Variants in MUC17 observed in about 807,000 individuals in gnomAD.
MUC17 encodes the protein mucin-17.
Under a neutral mutation model 170.3 loss-of-function variants are expected in MUC17, and 190 were observed. The observed-to-expected ratio is 1.12, with a 90% CI of 0.99 to 1.26. The LOEUF is 1.26. Among genes scored for constraint, MUC17 ranks in the 50% most tolerant of loss-of-function variants. The probability of loss-of-function intolerance (pLI) is 0.00; values close to 1 mark genes in which losing one functional copy is unlikely to be tolerated. For missense variants in MUC17, 6,415 were observed against 5,530.0 expected, an observed-to-expected ratio of 1.16 and a Z score of -5.08; for synonymous variants, 2,325 against 2,002.5, an observed-to-expected ratio of 1.16 and a Z score of -4.30.
rs148535690 is a variant in MUC17, at chr7:101,037,910, G to T, written c.6494G>T (p.Ser2165Ile). The change falls in exon 3 of 13, where the codon AGT becomes ATT. Residue 2165 changes from serine (S) to isoleucine (I), a missense_variant. Physicochemically the swap from Ser to Ile is moderately radical, Grantham distance 142 (BLOSUM62 -2). Coordinates refer to ENST00000306151, the MANE Select transcript of MUC17 (RefSeq NM_001040105.2). ...TYSDRRTPLT[S>I]MPVSTTVVAS... ...AGTGACAGAAGAACTCCTTTAACAA[G>T]TATGCCTGTCAGCACCACAGTGGTG... is the stretch of plus-strand genomic sequence containing the variant. The T allele has an allele frequency of 1.9e-6, 3 of 1,609,866 alleles. No homozygotes were observed. The highest frequency in any genetic ancestry group is 2.5e-6 in the Non-Finnish European group (3 of 1,177,476).
chr7:101,020,620 A>T lies in MUC17; in HGVS notation c.82+403A>T, dbSNP rs114059026. Reference sequence around the variant, plus strand: ...CCTTACCCAGTGAATGTTCCCGCCAAGTCCCTGTCACCTCCCACACCAGCA... The same window carrying T: ...CCTTACCCAGTGAATGTTCCCGCCATGTCCCTGTCACCTCCCACACCAGCA... On this transcript the variant is annotated intron_variant, in intron 1 of 12. Transcript: ENST00000306151. Among the ~76,000 whole-genome samples the T allele has an allele frequency of 5.1e-3, 783 of 152,212 alleles. 5 individuals are homozygous for T. The highest frequency in any genetic ancestry group is 0.018 in the African/African-American group (732 of 41,528).
Position 101,031,196 on chromosome 7 carries a change from G to A in MUC17, c.159G>A (p.Gln53=), listed in dbSNP as rs1209334275. The change falls in exon 2 of 13, where the codon CAG becomes CAA. Residue 53 remains glutamine, a synonymous_variant. Transcript: ENST00000306151. The part of the protein sequence containing the change: ...SQGDVLNRQC[Q]QLSQHVRTGS... ...GGGACGTCTTGAACCGTCAGTGCCA[G>A]CAGCTGTCTCAGCACGTTAGGACAG... is the stretch of plus-strand genomic sequence containing the variant. 3 of 1,613,744 alleles carry A rather than the reference G, an allele frequency of 1.9e-6. No homozygotes were observed. Among genetic ancestry groups the A allele is most frequent in the Non-Finnish European group, 2.5e-6 (3 of 1,179,828 alleles).
At position 101,040,720 on chromosome 7, in the gene MUC17, G is replaced by A. The variant is rs574297451; in HGVS notation, c.9304G>A (p.Glu3102Lys). 1 of 1,613,292 alleles carries A rather than the reference G, an allele frequency of 6.2e-7. No individual in the cohort carries two copies. The highest frequency in any genetic ancestry group is 2.2e-5 in the East Asian group (1 of 44,788). Residue 3102 changes from glutamate to lysine, a missense_variant, in exon 3 of 13, where the codon GAA (glutamate) becomes AAA (lysine). Coordinates refer to ENST00000306151, the MANE Select transcript of MUC17 (RefSeq NM_001040105.2). ...CAGCATGCCAATCTCAACTTATAGT[G>A]AAGGAAGCACTCCATTAACAGGTGT... Reference protein sequence around the residue: ...GTSMPISTYSEGSTPLTGVPV... With the variant: ...GTSMPISTYSKGSTPLTGVPV...
chr7:101,042,688 A>G lies in MUC17; in HGVS notation c.11272A>G (p.Ile3758Val), dbSNP rs372752978. The G allele has an allele frequency of 4.3e-6, 7 of 1,613,732 alleles. No homozygotes were observed. In the Middle Eastern group the frequency reaches 4.9e-4, roughly 114 times the overall value. Reference sequence around the variant, plus strand: ...GGAAATAAGCACCCTTGGGACCACTATTCTTGTCAGTACCACACCTGTTAC... The same window carrying G: ...GGAAATAAGCACCCTTGGGACCACTGTTCTTGTCAGTACCACACCTGTTAC... Reference protein sequence around the residue: ...PMEISTLGTTILVSTTPVTRF... With the variant: ...PMEISTLGTTVLVSTTPVTRF... The change falls in exon 3 of 13, where the codon ATT becomes GTT. Residue 3758 changes from isoleucine (I) to valine (V), a missense_variant. By Grantham distance (29) the Ile-to-Val change is conservative. Transcript: ENST00000306151.
chr7:101,043,110 T>A lies in MUC17; in HGVS notation c.11694T>A (p.Pro3898=), dbSNP rs1356457832. The A allele has an allele frequency of 2.5e-6, 4 of 1,614,124 alleles. No homozygotes were observed. The highest frequency in any genetic ancestry group is 3.4e-6 in the Non-Finnish European group (4 of 1,180,014). The change falls in exon 3 of 13, where the codon CCT becomes CCA. Residue 3898 remains proline (P), a synonymous_variant. Transcript: ENST00000306151. The part of the protein sequence containing the change: ...SFPGASIAST[P]PLDTSTTFTP... ...CTGGGGCCAGCATAGCTTCGACACC[T>A]CCTCTTGACACAAGCACAACTTTTA...
At position 101,040,364 on chromosome 7, in the gene MUC17, G is replaced by C; in HGVS notation, c.8948G>C (p.Gly2983Ala). ...ACCAGCATGCCAATCTCAACTCCTG[G>C]CGAAAGAAGAACTCCATTAACAAGT... ...EGTSMPISTP[G>A]ERRTPLTSMS... Residue 2983 changes from glycine to alanine, a missense_variant, in exon 3 of 13, where the codon GGC (glycine) becomes GCC (alanine). By Grantham distance (60) the Gly-to-Ala change is moderately conservative (BLOSUM62 0). Transcript: ENST00000306151. The C allele has an allele frequency of 6.2e-7, 1 of 1,611,874 alleles. No homozygotes were observed. The highest frequency in any genetic ancestry group is 8.5e-7 in the Non-Finnish European group (1 of 1,179,362).
rs146245479 is a variant in MUC17, at chr7:101,039,299, C to T, written c.7883C>T (p.Pro2628Leu). The T allele has an allele frequency of 6.7e-5, 108 of 1,613,148 alleles. 1 individual carries two copies. The highest frequency in any genetic ancestry group is 6.6e-4 in the Middle Eastern group (4 of 6,062). ...GATACCAGCATGCCAATCTCAACTC[C>T]TAGTGAAGTAAGTACTTCATTAACA... ...AKDTSMPISTPSEVSTSLTSI... is the reference protein window; with the variant it reads ...AKDTSMPISTLSEVSTSLTSI... The change falls in exon 3 of 13, where the codon CCT becomes CTT. Residue 2628 changes from proline to leucine, a missense_variant. Physicochemically the swap from Pro to Leu is moderately conservative, Grantham distance 98 (BLOSUM62 -3). Coordinates refer to ENST00000306151, the MANE Select transcript of MUC17 (RefSeq NM_001040105.2).
At position 101,038,225 on chromosome 7, in the gene MUC17, C is replaced by G. The variant is rs747481631; in HGVS notation, c.6809C>G (p.Pro2270Arg). Reference protein sequence around the residue: ...SPTTAEGTSIPTSTLSEGTTP... With the variant: ...SPTTAEGTSIRTSTLSEGTTP... ...ACAACTGCTGAAGGTACCAGCATAC[C>G]AACTTCAACTCTTAGTGAAGGAACG... is the stretch of plus-strand genomic sequence containing the variant. Residue 2270 changes from proline to arginine, a missense_variant, in exon 3 of 13, where the codon CCA becomes CGA. Transcript: ENST00000306151. 1.9e-6 allele frequency: 3 copies of G among 1,613,224 alleles called. No homozygotes were observed. In the Admixed American group the frequency reaches 5.0e-5, roughly 27 times the overall value.
chr7:101,024,394 T>C (rs1463136602), intron 1 of MUC17, among the ~76,000 whole-genome samples: 2 of 144,116 alleles, frequency 1.4e-5, no homozygotes, highest in Admixed American at 6.8e-5. Context: ...AGTGAGACTC[T>C]ATCTCAAAAA....
At chr7:101,020,861 C>T (rs1309883327) in intron 1 of MUC17, among the ~76,000 whole-genome samples, 1 of 152,144 alleles carries the variant, frequency 6.6e-6, no homozygotes, top group African/African-American at 2.4e-5. Flanking sequence ...GCCACAGGGA[C>T]CCCGGGGGGC....
chr7:101,039,848 C>G lies in MUC17; in HGVS notation c.8432C>G (p.Pro2811Arg), dbSNP rs746875536. Residue 2811 changes from proline to arginine, a missense_variant, in exon 3 of 13, where the codon CCA (proline) becomes CGA (arginine). By Grantham distance (103) the Pro-to-Arg change is moderately radical (BLOSUM62 -2). Transcript: ENST00000306151. ...PTSTPSETST[P>R]LTSMPVNHTP... Reference sequence around the variant, plus strand: ...TCAACTCCTAGTGAAACAAGTACTCCATTAACTAGTATGCCTGTCAACCAC... The same window carrying G: ...TCAACTCCTAGTGAAACAAGTACTCGATTAACTAGTATGCCTGTCAACCAC... 1.4e-5 allele frequency: 23 copies of G among 1,611,584 alleles called. No homozygotes were observed. The highest frequency in any genetic ancestry group is 3.3e-4 in the Middle Eastern group (2 of 6,068).
At chr7:101,045,097 A>C (rs1369087581) in intron 3 of MUC17, among the ~76,000 whole-genome samples, 2 of 152,230 alleles carry the variant, frequency 1.3e-5, no homozygotes, top group Non-Finnish European at 2.9e-5. Flanking sequence ...ATATTTTATT[A>C]TATGAATCAT....
intron 2 of MUC17, 116 bp from the exon 3 acceptor site, chr7:101,031,485 C>T (rs990387846): frequency 7.8e-6 from 9 of 1,158,084 alleles, no homozygotes; most frequent in East Asian, 5.2e-5. Flanking sequence ...TTCCTGAAAA[C>T]GGATGACATC....
Position 101,031,975 on chromosome 7 carries a change from C to T in MUC17, c.559C>T (p.Pro187Ser). 1 of 1,614,154 alleles carries T rather than the reference C, an allele frequency of 6.2e-7. No individual in the cohort carries two copies. ...AACATATAAGGTTGATATGAGCACA[C>T]CTCTGACCACTTCTACTCAGGCAAG... ...SLTYKVDMST[P>S]LTTSTQASSS... Residue 187 changes from proline (P) to serine (S), a missense_variant, in exon 3 of 13, where the codon CCT becomes TCT. Physicochemically the swap from Pro to Ser is moderately conservative, Grantham distance 74. Transcript: ENST00000306151.
At position 101,039,278 on chromosome 7, in the gene MUC17, C is replaced by G; in HGVS notation, c.7862C>G (p.Thr2621Ser). The G allele has an allele frequency of 1.2e-6, 2 of 1,612,330 alleles. No homozygotes were observed. Among genetic ancestry groups the G allele is most frequent in the South Asian group, 1.1e-5 (1 of 90,958 alleles). The stretch of plus-strand genomic sequence containing the variant: ...TCATCTCCTACAACTGCAAAAGATA[C>G]CAGCATGCCAATCTCAACTCCTAGT... ...TSSSPTTAKDTSMPISTPSEV... is the reference protein window; with the variant it reads ...TSSSPTTAKDSSMPISTPSEV... The change falls in exon 3 of 13, where the codon ACC becomes AGC. Residue 2621 changes from threonine to serine, a missense_variant. Thr to Ser is a moderately conservative substitution (Grantham distance 58). Transcript: ENST00000306151.
intron 9 of MUC17, 29 bp downstream of exon 9, chr7:101,051,991 A>T (rs774893949): frequency 6.3e-7 from 1 of 1,595,004 alleles, no homozygotes. Context: ...CCTCCAGCCC[A>T]GCCCAGACGT....
chr7:101,028,281 G>C (rs755401594), intron 1 of MUC17, among the ~76,000 whole-genome samples: 5 of 150,518 alleles, frequency 3.3e-5, no homozygotes, highest in African/African-American at 7.3e-5. Flanking sequence ...AGTAGAGACA[G>C]GGTTTCACTA....
At chr7:101,051,364 C>CAAAAAAAAA (rs398005597) in intron 7 of MUC17, among the ~76,000 whole-genome samples, 1 of 52,140 alleles carries the variant, frequency 1.9e-5, no homozygotes, top group African/African-American at 8.9e-5. Context: ...TACTCCATCT[C>CAAAAAAAAA]AAAAAAAAAA....
chr7:101,033,218 T>A lies in MUC17; in HGVS notation c.1802T>A (p.Val601Glu). 1 of 1,614,082 alleles carries A rather than the reference T, an allele frequency of 6.2e-7. No homozygotes were observed. The highest frequency in any genetic ancestry group is 8.5e-7 in the Non-Finnish European group (1 of 1,179,996). Residue 601 changes from valine to glutamate, a missense_variant, in exon 3 of 13, where the codon GTG becomes GAG. Transcript: ENST00000306151. ...ACTCCTGCTGACTCCAACACTTTTG[T>A]GACCACTTCTAGTGAAGCTAGTTCA... is the stretch of plus-strand genomic sequence containing the variant. ...STTPADSNTFVTTSSEASSSS... is the reference protein window; with the variant it reads ...STTPADSNTFETTSSEASSSS...
Sources: allele counts gnomAD v4.1 joint callset (sites outside exome capture counted in the v4.1 genomes callset), GRCh38; gene constraint gnomAD v4.1.1; transcripts MANE v1.5; gene names NCBI Gene and HGNC (gene_info 2026-07-23, HGNC 2026-07-21).